Variants in RAB3C observed in about 807,000 individuals in gnomAD.
RAB3C encodes RAB3C, member RAS oncogene family.
Under a neutral mutation model 26.4 loss-of-function variants are expected in RAB3C, and 17 were observed. That is an observed-to-expected ratio of 0.64 (90% CI 0.44 to 0.97). RAB3C has a LOEUF of 0.97. Ranked by LOEUF, RAB3C falls within the 50% of genes least tolerant of loss-of-function variation. RAB3C has a pLI of 0.00. For synonymous variants in RAB3C, 91 were observed against 95.9 expected (o/e 0.95, Z 0.30); for missense variants, 242 against 281.9 (o/e 0.86, Z 1.01).
At chr5:58,807,091 TAAAAA>T (rs1255389098) in intron 3 of RAB3C, among the ~76,000 whole-genome samples, 4 of 152,210 alleles carry the variant, frequency 2.6e-5, no homozygotes, top group African/African-American at 9.6e-5. Flanking sequence ...AATGGGAAAA[TAAAAA>T]TAACAAACAA....
intron 3 of RAB3C, among the ~76,000 whole-genome samples, chr5:58,750,915 C>T (rs763088433): frequency 2.5e-4 from 38 of 151,936 alleles, no homozygotes; most frequent in Admixed American, 4.6e-4. Context: ...AATGCAGTGG[C>T]GTGATCTTGG....
At chr5:58,815,025 T>C (rs1743185323) in intron 3 of RAB3C, among the ~76,000 whole-genome samples, 1 of 152,192 alleles carries the variant, frequency 6.6e-6, no homozygotes, top group African/African-American at 2.4e-5. Flanking sequence ...AAACAGATCC[T>C]TCCAGAACAT....
chr5:58,583,237 G>C lies in RAB3C; in HGVS notation c.24+5G>C. The C allele has an allele frequency of 6.2e-7, 1 of 1,614,180 alleles. No homozygotes were observed. The highest frequency in any genetic ancestry group is 8.5e-7 in the Non-Finnish European group (1 of 1,180,038). ...AGACACGAAGCGCCCATGCAGGTGG[G>C]TCCATAAAGAAAGAGTGGCCTCGGG... On this transcript the variant is annotated splice_donor_5th_base_variant and intron_variant, in intron 1 of 4. Coordinates refer to ENST00000282878, the MANE Select transcript of RAB3C (RefSeq NM_138453.4).
intron 2 of RAB3C, among the ~76,000 whole-genome samples, chr5:58,651,802 A>G (rs1482066772): frequency 6.6e-6 from 1 of 152,114 alleles, no homozygotes; most frequent in Non-Finnish European, 1.5e-5. Context: ...CCATCCCTAT[A>G]CCAAAATTGC....
chr5:58,638,262 G>A (rs1380068106), intron 2 of RAB3C, among the ~76,000 whole-genome samples: 1 of 151,910 alleles, frequency 6.6e-6, no homozygotes, highest in African/African-American at 2.4e-5. Flanking sequence ...ATCTTTTGAG[G>A]TGTCTTTTCA....
intron 2 of RAB3C, among the ~76,000 whole-genome samples, chr5:58,673,874 G>A (rs1469694770): frequency 1.3e-5 from 2 of 152,018 alleles, no homozygotes; most frequent in Admixed American, 6.6e-5. Context: ...TGACTCCTGC[G>A]GTAAAATGTA....
chr5:58,786,037 A>G (rs1358142611), intron 3 of RAB3C, among the ~76,000 whole-genome samples: 2 of 151,876 alleles, frequency 1.3e-5, no homozygotes, highest in African/African-American at 4.9e-5. Flanking sequence ...CTAAGGACAC[A>G]CTGATGTTTG....
chr5:58,730,265 A>G (rs1284251690), intron 3 of RAB3C, among the ~76,000 whole-genome samples: 1 of 151,978 alleles, frequency 6.6e-6, no homozygotes, highest in African/African-American at 2.4e-5. Flanking sequence ...TTTAAAAATT[A>G]TTATTAATTT....
intron 1 of RAB3C, among the ~76,000 whole-genome samples, chr5:58,613,382 GT>G (rs1202867469): frequency 1.3e-5 from 2 of 152,060 alleles, no homozygotes; most frequent in Non-Finnish European, 2.9e-5. Context: ...AAAGTTAATT[GT>G]TATTTGTCTA....
At chr5:58,685,011 T>C (rs1748415196) in intron 2 of RAB3C, among the ~76,000 whole-genome samples, 1 of 152,176 alleles carries the variant, frequency 6.6e-6, no homozygotes, top group Non-Finnish European at 1.5e-5. Flanking sequence ...CTGAAGATAT[T>C]GGTGTGGCAG....
intron 2 of RAB3C, among the ~76,000 whole-genome samples, chr5:58,679,031 CCT>C (rs1748293182): frequency 6.6e-6 from 1 of 152,066 alleles, no homozygotes; most frequent in African/African-American, 2.4e-5. Context: ...GTATTTGGCC[CCT>C]GTCATCTTCT....
intron 3 of RAB3C, among the ~76,000 whole-genome samples, chr5:58,727,047 T>G (rs1280642993): frequency 6.6e-6 from 1 of 152,054 alleles, no homozygotes; most frequent in Non-Finnish European, 1.5e-5. Context: ...AATACCGCAC[T>G]TTAACTGTAA....
At chr5:58,702,584 C>T (rs76465942) in intron 2 of RAB3C, among the ~76,000 whole-genome samples, 928 of 91,008 alleles carry the variant, frequency 0.01, 11 homozygotes, top group African/African-American at 0.041. Flanking sequence ...CTCTCTCTTT[C>T]TTTTTCTTTC....
At chr5:58,699,124 T>G (rs1748783878) in intron 2 of RAB3C, among the ~76,000 whole-genome samples, 1 of 152,088 alleles carries the variant, frequency 6.6e-6, no homozygotes, top group Non-Finnish European at 1.5e-5. Flanking sequence ...GTAGATGACC[T>G]TTTTGTTGAT....
At chr5:58,689,887 G>C (rs1043663621) in intron 2 of RAB3C, among the ~76,000 whole-genome samples, 1 of 152,098 alleles carries the variant, frequency 6.6e-6, no homozygotes, top group Non-Finnish European at 1.5e-5. Flanking sequence ...CTGTACTCCA[G>C]ATCAAATTCT....
chr5:58,623,000 C>T (rs1746967722), intron 2 of RAB3C, among the ~76,000 whole-genome samples: 3 of 152,218 alleles, frequency 2.0e-5, no homozygotes, highest in Non-Finnish European at 4.4e-5. Flanking sequence ...TATAATTACT[C>T]AGTATCTTTC....
Position 58,671,540 on chromosome 5 carries a change from TA to T in RAB3C, c.252+53679del, listed in dbSNP as rs111669699. 1.4e-3 allele frequency among the ~76,000 whole-genome samples: 208 copies of T among 151,734 alleles called. 1 individual carries two copies. Among genetic ancestry groups the T allele is most frequent in the Middle Eastern group, 0.014 (4 of 294 alleles). On this transcript the variant is annotated intron_variant, in intron 2 of 4. Transcript: ENST00000282878. ...ATTTACACACTTTGGACTGGAACCA[TA>T]AAAAAAAATTGTGCCCCTAAAAATC...
At chr5:58,714,773 TAA>T (rs1460340234) in intron 2 of RAB3C, among the ~76,000 whole-genome samples, 4 of 151,422 alleles carry the variant, frequency 2.6e-5, no homozygotes, top group African/African-American at 9.7e-5. Context: ...TCCAAATTAA[TAA>T]AGAGATGAAT....
chr5:58,676,206 A>G (rs9292173), intron 2 of RAB3C, among the ~76,000 whole-genome samples: 18,352 of 152,136 alleles, frequency 0.12, 1,426 homozygotes, highest in Non-Finnish European at 0.17. Context: ...TCTAAACTCT[A>G]AAGAACCTAT....
Sources: gnomAD v4.1 joint callset for allele counts (sites outside exome capture counted in the v4.1 genomes callset) on GRCh38, gnomAD v4.1.1 for gene constraint, MANE v1.5 for transcripts, NCBI Gene and HGNC (gene_info 2026-07-23, HGNC 2026-07-21) for gene names.